The following UTRN variants were observed in gnomAD, a reference collection of about 807,000 sequenced individuals.
The protein encoded by UTRN is dystrophin-related protein 1.
A neutral mutation model predicts 463.9 loss-of-function variants in UTRN; 283 were observed. The ratio of observed to expected loss-of-function variants is 0.61; its 90% CI spans 0.55 to 0.67. UTRN has a LOEUF of 0.67. Among genes scored for constraint, UTRN ranks in the 30% least tolerant of loss-of-function variants. The probability of loss-of-function intolerance (pLI) is 0.00; values close to 1 mark genes in which losing one functional copy is unlikely to be tolerated. For missense variants in UTRN, 3,922 were observed against 4,084.3 expected (o/e 0.96, Z 1.08); for synonymous variants, 1,442 against 1,431.5 (o/e 1.01, Z -0.17).
At chr6:144,501,655 G>A (rs1794192481) in intron 34 of UTRN, among the ~76,000 whole-genome samples, 1 of 151,600 alleles carries the variant, frequency 6.6e-6, no homozygotes. Context: ...CTCTATTCAT[G>A]TCCATTTAAA....
In UTRN at chr6:144,748,378, A is replaced by G; in HGVS notation, c.8072A>G (p.Glu2691Gly). The G allele has an allele frequency of 6.2e-7, 1 of 1,613,894 alleles. No individual in the cohort carries two copies. The highest frequency in any genetic ancestry group is 8.5e-7 in the Non-Finnish European group (1 of 1,179,922). Residue 2691 changes from glutamate (E) to glycine (G), a missense_variant, in exon 55 of 75, where the codon GAG (glutamate) becomes GGG (glycine). By Grantham distance (98) the Glu-to-Gly change is moderately conservative. Coordinates refer to ENST00000367545, the MANE Select transcript of UTRN (RefSeq NM_007124.3). Reference protein sequence around the residue: ...NWQKQVDKALEKLRDLQGAMD... With the variant: ...NWQKQVDKALGKLRDLQGAMD... ...CAAAAGCAAGTGGACAAGGCATTGG[A>G]GAAACTCAGAGACCTGCAGGGAGCT...
intron 51 of UTRN, among the ~76,000 whole-genome samples, chr6:144,664,875 AAT>A (rs982970049): frequency 1.3e-5 from 2 of 150,600 alleles, no homozygotes; most frequent in African/African-American, 2.4e-5. Context: ...TTATTTAAGT[AAT>A]ATATATATAT....
chr6:144,306,779 G>T (rs1805777319), intron 2 of UTRN, among the ~76,000 whole-genome samples: 1 of 151,926 alleles, frequency 6.6e-6, no homozygotes, highest in Non-Finnish European at 1.5e-5. Context: ...CAAGAGGCCG[G>T]GTGTGGTGGA....
chr6:144,470,153 C>G (rs879880946), intron 23 of UTRN, among the ~76,000 whole-genome samples: 1 of 152,136 alleles, frequency 6.6e-6, no homozygotes, highest in Admixed American at 6.5e-5. Flanking sequence ...CCCCACACTT[C>G]CCCCCCTTCT....
intron 54 of UTRN, among the ~76,000 whole-genome samples, chr6:144,746,565 C>G (rs1431365314): frequency 6.6e-6 from 1 of 152,132 alleles, no homozygotes; most frequent in Non-Finnish European, 1.5e-5. Flanking sequence ...CAACCTCCAT[C>G]TCCTGGGTTC....
At chr6:144,531,432 A>G in intron 42 of UTRN, among the ~76,000 whole-genome samples, 1 of 152,358 alleles carries the variant, frequency 6.6e-6, no homozygotes, top group Non-Finnish European at 1.5e-5. Flanking sequence ...CTTGGTGGCT[A>G]ATGTGAAAAA....
intron 54 of UTRN, among the ~76,000 whole-genome samples, chr6:144,741,018 A>G (rs1326604507): frequency 6.6e-6 from 1 of 152,192 alleles, no homozygotes; most frequent in Non-Finnish European, 1.5e-5. Flanking sequence ...GGACCGGAGG[A>G]TACAAGACTC....
At chr6:144,532,988 TC>T in intron 42 of UTRN, 96 bp from the exon 43 acceptor site, 1 of 591,694 alleles carries the variant, frequency 1.7e-6, no homozygotes. Flanking sequence ...TTTGTTTCTT[TC>T]ACACTTAAAT....
intron 2 of UTRN, among the ~76,000 whole-genome samples, chr6:144,303,115 C>A (rs1805432189): frequency 6.6e-6 from 1 of 152,010 alleles, no homozygotes; most frequent in African/African-American, 2.4e-5. Context: ...TAGGGGGAGG[C>A]AGGGAACAGG....
intron 69 of UTRN, among the ~76,000 whole-genome samples, chr6:144,833,481 GCTT>G (rs1253724702): frequency 6.6e-6 from 1 of 152,120 alleles, no homozygotes; most frequent in Non-Finnish European, 1.5e-5. Context: ...ATATGAATGT[GCTT>G]CTTTTGTTAT....
chr6:144,739,589 G>A (rs1309317309), intron 54 of UTRN, among the ~76,000 whole-genome samples: 1 of 152,134 alleles, frequency 6.6e-6, no homozygotes, highest in Non-Finnish European at 1.5e-5. Context: ...TTCCCTAAGT[G>A]TAGGCATGAA....
rs1177445336 is a variant in UTRN, at chr6:144,748,591, A to G, written c.8208+77A>G. ...ATAACACAAATAAAGAGAGCCACGT[A>G]TATAAATTGTTATAAGGGATTGTTA... On this transcript the variant is annotated intron_variant, in intron 55 of 74. Transcript: ENST00000367545. 3.3e-6 allele frequency: 5 copies of G among 1,526,050 alleles called. No individual in the cohort carries two copies. The East Asian group carries it at 6.9e-5, about 21-fold the overall frequency. 94.5% of individuals were successfully genotyped at this position (1,526,050 alleles called of 1,614,324 possible). A position where few individuals can be genotyped will look rare whatever the true frequency, so the allele number is the denominator to read the frequency against.
intron 54 of UTRN, among the ~76,000 whole-genome samples, chr6:144,736,287 A>C (rs1207929016): frequency 6.6e-6 from 1 of 152,244 alleles, no homozygotes; most frequent in Non-Finnish European, 1.5e-5. Flanking sequence ...AGGTTAGATC[A>C]GGAAGAAATC....
At chr6:144,542,938 T>C in intron 46 of UTRN, 68 bp downstream of exon 46, 1 of 1,319,286 alleles carries the variant, frequency 7.6e-7, no homozygotes, top group Non-Finnish European at 1.1e-6. Context: ...GATATGAGCC[T>C]CATACATGAA....
chr6:144,756,543 G>A (rs540013428), intron 57 of UTRN, among the ~76,000 whole-genome samples: 20 of 152,194 alleles, frequency 1.3e-4, no homozygotes, highest in Middle Eastern at 3.4e-3. Flanking sequence ...TTTGCTGCTT[G>A]GAATCTTTGG....
At chr6:144,297,474 C>T (rs1457455306) in intron 2 of UTRN, among the ~76,000 whole-genome samples, 2 of 152,100 alleles carry the variant, frequency 1.3e-5, no homozygotes, top group Non-Finnish European at 2.9e-5. Flanking sequence ...AGGCAGTCAT[C>T]GGTCTATTTC....
Position 144,459,257 on chromosome 6 carries a change from T to C in UTRN, c.2610T>C (p.Ser870=). The part of the protein sequence containing the change: ...ASCSALMSQP[S]APDFVQRGFD... ...GCTCGGCCCTGATGTCTCAGCCTTC[T>C]GCCCCAGATTTTGTCCAGCGGGGCT... is the stretch of plus-strand genomic sequence containing the variant. The change falls in exon 21 of 75, where the codon TCT becomes TCC. Residue 870 remains serine, a synonymous_variant. Coordinates refer to ENST00000367545, the MANE Select transcript of UTRN (RefSeq NM_007124.3). 1 of 1,614,146 alleles carries C rather than the reference T, an allele frequency of 6.2e-7. No homozygotes were observed. Among genetic ancestry groups the C allele is most frequent in the Non-Finnish European group, 8.5e-7 (1 of 1,180,000 alleles).
chr6:144,694,916 C>A (rs754185602), intron 52 of UTRN, among the ~76,000 whole-genome samples: 1 of 149,878 alleles, frequency 6.7e-6, no homozygotes, highest in Non-Finnish European at 1.5e-5. Flanking sequence ...TATCACCATG[C>A]CTATTTTAAA....
At chr6:144,838,025 T>C (rs1352438164) in intron 71 of UTRN, among the ~76,000 whole-genome samples, 4 of 152,238 alleles carry the variant, frequency 2.6e-5, no homozygotes, top group African/African-American at 9.6e-5. Flanking sequence ...CAAATGGTGC[T>C]GTGTAAGGGA....
Sources: allele counts gnomAD v4.1 joint callset (sites outside exome capture counted in the v4.1 genomes callset), GRCh38; gene constraint gnomAD v4.1.1; transcripts MANE v1.5; gene names NCBI Gene and HGNC (gene_info 2026-07-23, HGNC 2026-07-21).